DCAF1: variants seen among roughly 807,000 people sequenced by gnomAD.
DCAF1 encodes the protein DDB1- and CUL4-associated factor 1.
Under a neutral mutation model 128.0 loss-of-function variants are expected in DCAF1, and 15 were observed. The ratio of observed to expected loss-of-function variants is 0.12; its 90% CI spans 0.08 to 0.18. The LOEUF is 0.18. Among genes scored for constraint, DCAF1 ranks in the 10% least tolerant of loss-of-function variants. The pLI is 1.00. For synonymous variants in DCAF1, 610 were observed against 603.0 expected, an observed-to-expected ratio of 1.01 and a Z score of -0.17; for missense variants, 988 against 1,649.5, an observed-to-expected ratio of 0.60 and a Z score of 6.95.
chr3:51,497,707 G>A (rs1553661862), intron 1 of DCAF1, among the ~76,000 whole-genome samples: 1 of 152,134 alleles, frequency 6.6e-6, no homozygotes, highest in East Asian at 1.9e-4. Context: ...AACATTTTGA[G>A]ACACAGTCGA....
At chr3:51,419,131 G>A (rs782544762) in intron 15 of DCAF1, among the ~76,000 whole-genome samples, 17 of 152,008 alleles carry the variant, frequency 1.1e-4, no homozygotes, top group Admixed American at 6.6e-5. Context: ...GAGGCCGAAG[G>A]GGGGGTATCA....
At chr3:51,469,697 T>A (rs1444558132) in intron 4 of DCAF1, among the ~76,000 whole-genome samples, 1 of 152,212 alleles carries the variant, frequency 6.6e-6, no homozygotes, top group Admixed American at 6.5e-5. Flanking sequence ...GCAAATTCCA[T>A]ACCAAAGCAG....
Position 51,463,231 on chromosome 3 carries a change from T to C in DCAF1, c.262-4A>G. 6.5e-7 allele frequency: 1 copy of C among 1,537,016 alleles called. No homozygotes were observed. The highest frequency in any genetic ancestry group is 8.7e-7 in the Non-Finnish European group (1 of 1,144,390). ...TCATCACATATGCATTCACCAGCTGTAAAGAAAAAAAAGAAATACTGTTCA... is the reference window on the plus strand; with the variant it reads ...TCATCACATATGCATTCACCAGCTGCAAAGAAAAAAAAGAAATACTGTTCA... On this transcript the variant is annotated splice_region_variant and splice_polypyrimidine_tract_variant and intron_variant, in intron 5 of 24. Coordinates refer to ENST00000684031, the MANE Select transcript of DCAF1 (RefSeq NM_001387579.1).
Position 51,412,444 on chromosome 3 carries a change from C to G in DCAF1, c.4147G>C (p.Val1383Leu). 1 of 1,613,974 alleles carries G rather than the reference C, an allele frequency of 6.2e-7. No individual in the cohort carries two copies. Among genetic ancestry groups the G allele is most frequent in the Non-Finnish European group, 8.5e-7 (1 of 1,179,868 alleles). ...CTGCCCACTTCATACAGCCTGCATA[C>G]TGTGTCCATGTTCAGGGCATCCATG... Reference protein sequence around the residue: ...GSMDALNMDTVCRLYEVGRQR... With the variant: ...GSMDALNMDTLCRLYEVGRQR... Residue 1383 changes from valine to leucine, a missense_variant, in exon 23 of 25, where the codon GTA (valine) becomes CTA (leucine). This residue lies in a region of DCAF1 where 85 missense variants were observed against 204.6 expected (regional missense o/e 0.42). Transcript: ENST00000684031.
At chr3:51,454,710 G>A (rs1242056570) in intron 6 of DCAF1, among the ~76,000 whole-genome samples, 1 of 150,926 alleles carries the variant, frequency 6.6e-6, no homozygotes, top group Non-Finnish European at 1.5e-5. Context: ...GTCTCGCTCT[G>A]TCGCCCAGGC....
At chr3:51,498,127 C>T (rs1334951981) in intron 1 of DCAF1, among the ~76,000 whole-genome samples, 1 of 143,790 alleles carries the variant, frequency 7.0e-6, no homozygotes, top group East Asian at 2.1e-4. Flanking sequence ...TTTGGGAGGC[C>T]GAGGTGGGCA....
intron 9 of DCAF1, among the ~76,000 whole-genome samples, chr3:51,439,598 T>G (rs1701178154): frequency 1.3e-5 from 2 of 152,080 alleles, no homozygotes; most frequent in Admixed American, 6.6e-5. Context: ...CCTGCCATCA[T>G]GCCCAGCTAA....
At chr3:51,451,114 G>C (rs1489525678) in intron 6 of DCAF1, among the ~76,000 whole-genome samples, 2 of 74,916 alleles carry the variant, frequency 2.7e-5, no homozygotes, top group Admixed American at 4.3e-4. Flanking sequence ...TTAGTGACAA[G>C]GTCTCACTCT....
At chr3:51,413,745 T>G (rs556562415) in intron 20 of DCAF1, among the ~76,000 whole-genome samples, 1 of 152,340 alleles carries the variant, frequency 6.6e-6, no homozygotes, top group African/African-American at 2.4e-5. Context: ...CCTTGTTATC[T>G]TCAAAGTAAG....
intron 14 of DCAF1, 120 bp downstream of exon 14, chr3:51,422,187 C>A (rs1354257039): frequency 3.1e-6 from 2 of 641,542 alleles, no homozygotes; most frequent in Non-Finnish European, 5.7e-6. Flanking sequence ...ACAAGGAGCC[C>A]CCCTCTACTA....
chr3:51,483,439 CA>C (rs1264027842), intron 3 of DCAF1, among the ~76,000 whole-genome samples: 27 of 121,058 alleles, frequency 2.2e-4, no homozygotes, highest in African/African-American at 1.8e-4. Context: ...AACTCTGACT[CA>C]AAAAAAAAAA....
In DCAF1 at chr3:51,441,657, T is replaced by G. The variant is rs1213507528; in HGVS notation, c.754A>C (p.Arg252=). ...TCAGGTTTGGTTGTTGAGTTCACTC[T>G]GCTACTAGTCTTGTGGCCTGAATCA... The part of the protein sequence containing the change: ...HLDSGHKTSS[R]VNSTTKPEDG... Residue 252 remains arginine (R), a synonymous_variant, in exon 8 of 25, where the codon AGA becomes CGA. Coordinates refer to ENST00000684031, the MANE Select transcript of DCAF1 (RefSeq NM_001387579.1). 1.2e-6 allele frequency: 2 copies of G among 1,614,020 alleles called. No homozygotes were observed. The highest frequency in any genetic ancestry group is 3.3e-5 in the Admixed American group (2 of 59,992).
chr3:51,496,264 A>T (rs1354939941), intron 2 of DCAF1, among the ~76,000 whole-genome samples: 1 of 152,046 alleles, frequency 6.6e-6, no homozygotes, highest in African/African-American at 2.4e-5. Flanking sequence ...TCTCTACTAA[A>T]AATACCAACA....
intron 9 of DCAF1, among the ~76,000 whole-genome samples, chr3:51,434,560 C>T (rs1342496293): frequency 6.6e-6 from 1 of 152,160 alleles, no homozygotes; most frequent in East Asian, 1.9e-4. Context: ...CTAACTTTCC[C>T]ATTTTAATCC....
intron 18 of DCAF1, among the ~76,000 whole-genome samples, chr3:51,415,565 C>T (rs1577075550): frequency 6.6e-6 from 1 of 152,222 alleles, no homozygotes; most frequent in Non-Finnish European, 1.5e-5. Context: ...CAACCCACAC[C>T]TCTCTCTTGA....
At position 51,492,482 on chromosome 3, in the gene DCAF1, C is replaced by A. The variant is rs1707766485; in HGVS notation, c.-9+4252G>T. Among the ~76,000 whole-genome samples the A allele has an allele frequency of 2.0e-5, 3 of 152,042 alleles. No homozygotes were observed. In the South Asian group the frequency reaches 6.2e-4, roughly 32 times the overall value. On this transcript the variant is annotated intron_variant, in intron 2 of 24. Transcript: ENST00000684031. ...AGTCAGCCGAGATTACCCCAATGCA[C>A]ACCGGCCTGGGCAAAAGGAGTGAGA...
At chr3:51,417,245 CTA>C (rs1698962099) in intron 17 of DCAF1, among the ~76,000 whole-genome samples, 1 of 152,062 alleles carries the variant, frequency 6.6e-6, no homozygotes, top group South Asian at 2.1e-4. Flanking sequence ...TGTCGAAACC[CTA>C]TCTCTATCAA....
chr3:51,413,109 G>C, intron 21 of DCAF1, 43 bp from the exon 22 acceptor site: 2 of 1,611,394 alleles, frequency 1.2e-6, no homozygotes, highest in Non-Finnish European at 1.7e-6. Context: ...GACTATTGCT[G>C]TGACCCTAAA....
At chr3:51,404,973 C>A (rs185121012) in intron 23 of DCAF1, among the ~76,000 whole-genome samples, 85 of 152,246 alleles carry the variant, frequency 5.6e-4, no homozygotes, top group African/African-American at 1.9e-3. Context: ...GAAAGGAGAG[C>A]GGGGTCAAAA....
Sources: allele counts gnomAD v4.1 joint callset (sites outside exome capture counted in the v4.1 genomes callset), GRCh38; gene constraint gnomAD v4.1.1; regional missense constraint gnomAD v4.1.1; transcripts MANE v1.5; gene names NCBI Gene and HGNC (gene_info 2026-07-23, HGNC 2026-07-21).